The following SNX25 variants were observed in gnomAD, a reference collection of about 807,000 sequenced individuals.
SNX25 encodes sorting nexin 25, also known as sorting nexin-25.
A neutral mutation model predicts 113.7 loss-of-function variants in SNX25; 62 were observed. The ratio of observed to expected loss-of-function variants is 0.55; its 90% CI spans 0.44 to 0.67. The LOEUF is 0.67. Ranked by LOEUF, SNX25 falls within the 30% of genes least tolerant of loss-of-function variation. The probability of loss-of-function intolerance (pLI) is 0.00; values close to 1 mark genes in which losing one functional copy is unlikely to be tolerated. For missense variants in SNX25, 1,014 were observed against 1,161.0 expected, an observed-to-expected ratio of 0.87 and a Z score of 1.84; for synonymous variants, 421 against 436.2, an observed-to-expected ratio of 0.97 and a Z score of 0.43.
intron 1 of SNX25, among the ~76,000 whole-genome samples, chr4:185,224,635 A>G (rs905569192): frequency 6.8e-6 from 1 of 146,924 alleles, no homozygotes; most frequent in Non-Finnish European, 1.5e-5. Flanking sequence ...ATATAAGTAT[A>G]TATAGATATA....
intron 7 of SNX25, 117 bp downstream of exon 7, chr4:185,310,933 A>G: frequency 2.1e-6 from 2 of 945,802 alleles, no homozygotes; most frequent in East Asian, 2.7e-5. Flanking sequence ...TGCCATAACT[A>G]CACACTGACA....
the SNX25 span, chr4:185,378,225 AAAT>A: frequency 6.2e-7 from 1 of 1,603,732 alleles, no homozygotes; most frequent in South Asian, 1.1e-5. Flanking sequence ...CAAGAAGAAA[AAAT>A]AAGTGGTAGA....
intron 6 of SNX25, among the ~76,000 whole-genome samples, chr4:185,301,802 G>T (rs1406312626): frequency 6.6e-6 from 1 of 152,042 alleles, no homozygotes; most frequent in Admixed American, 6.6e-5. Flanking sequence ...GCCCAGACTG[G>T]TCTCGAACTC....
intron 1 of SNX25, among the ~76,000 whole-genome samples, chr4:185,246,529 A>T (rs1429437438): frequency 6.6e-6 from 1 of 152,074 alleles, no homozygotes; most frequent in East Asian, 1.9e-4. Context: ...TCATTTGTTT[A>T]TCTTTTATGA....
Position 185,320,776 on chromosome 4 carries a change from A to G in SNX25, c.1388A>G (p.Glu463Gly). 1 of 1,601,656 alleles carries G rather than the reference A, an allele frequency of 6.2e-7. No homozygotes were observed. The highest frequency in any genetic ancestry group is 8.5e-7 in the Non-Finnish European group (1 of 1,174,794). The change falls in exon 8 of 19, where the codon GAG becomes GGG. Residue 463 changes from glutamate to glycine, a missense_variant. Glu to Gly is a moderately conservative substitution (Grantham distance 98). Transcript: ENST00000652585. ...ATCTTGGCCAATACGTTCTACCGAG[A>G]GCACTTTGGAATGTACATGGAAAGG... is the stretch of plus-strand genomic sequence containing the variant. ...EDILANTFYR[E>G]HFGMYMERMD...
chr4:185,226,855 G>T (rs3112909), intron 1 of SNX25, among the ~76,000 whole-genome samples: 1 of 152,098 alleles, frequency 6.6e-6, no homozygotes, highest in Non-Finnish European at 1.5e-5. Flanking sequence ...CCAATGTTTT[G>T]TAAACATGAC....
chr4:185,307,296 G>A (rs1468285866), intron 6 of SNX25, among the ~76,000 whole-genome samples: 6 of 152,212 alleles, frequency 3.9e-5, no homozygotes, highest in African/African-American at 1.2e-4. Context: ...GGAACCAAGA[G>A]ACAAAACACA....
intron 12 of SNX25, among the ~76,000 whole-genome samples, chr4:185,342,837 C>A (rs2095267003): frequency 6.6e-6 from 1 of 152,170 alleles, no homozygotes; most frequent in Non-Finnish European, 1.5e-5. Context: ...ACTCTCAGCT[C>A]TACTCTTCAT....
chr4:185,298,068 G>A (rs369275780), intron 6 of SNX25, among the ~76,000 whole-genome samples: 13 of 149,144 alleles, frequency 8.7e-5, no homozygotes, highest in Admixed American at 1.3e-4. Flanking sequence ...ACCACCAGTC[G>A]CCCTCTTAAC....
chr4:185,282,618 T>G (rs1177031536), intron 5 of SNX25, among the ~76,000 whole-genome samples: 3 of 152,232 alleles, frequency 2.0e-5, no homozygotes, highest in African/African-American at 7.2e-5. Flanking sequence ...GTGGCCACTC[T>G]GAGGAGCAGA....
intron 6 of SNX25, among the ~76,000 whole-genome samples, chr4:185,308,541 A>C (rs1275972342): frequency 6.6e-6 from 1 of 152,196 alleles, no homozygotes; most frequent in Non-Finnish European, 1.5e-5. Context: ...CCTCAGCCCC[A>C]AATTCTAGAA....
At chr4:185,224,669 A>C in intron 1 of SNX25, among the ~76,000 whole-genome samples, 1 of 147,876 alleles carries the variant, frequency 6.8e-6, no homozygotes, top group East Asian at 1.9e-4. Flanking sequence ...GTATATATAA[A>C]AATATATAAA....
At chr4:185,364,110 T>C (rs2095378287), downstream of SNX25, 1 of 152,378 alleles carries the variant, frequency 6.6e-6, no homozygotes, top group Non-Finnish European at 1.5e-5. Context: ...TTTGCTGCCT[T>C]CTCCAGAAAC....
At chr4:185,235,485 T>C (rs985924165) in intron 1 of SNX25, among the ~76,000 whole-genome samples, 9 of 152,182 alleles carry the variant, frequency 5.9e-5, no homozygotes, top group African/African-American at 2.2e-4. Flanking sequence ...GAAAAGGGAT[T>C]TTTCCAGTTC....
chr4:185,282,733 C>T (rs1720762177), intron 5 of SNX25, among the ~76,000 whole-genome samples: 1 of 152,188 alleles, frequency 6.6e-6, no homozygotes, highest in African/African-American at 2.4e-5. Context: ...TATGCCCCTC[C>T]TCCCTAATAC....
chr4:185,292,762 A>C (rs1752360106), intron 6 of SNX25, among the ~76,000 whole-genome samples: 1 of 152,096 alleles, frequency 6.6e-6, no homozygotes, highest in African/African-American at 2.4e-5. Flanking sequence ...TCTACAAAAA[A>C]ATTTTTAAAA....
At position 185,350,980 on chromosome 4, in the gene SNX25, C is replaced by CA. The variant is rs535672428; in HGVS notation, c.2302-462dup. Among the ~76,000 whole-genome samples the CA allele has an allele frequency of 4.1e-3, 629 of 152,322 alleles. 3 individuals carry two copies. Among genetic ancestry groups the CA allele is most frequent in the African/African-American group, 0.014 (595 of 41,590 alleles). ...CAGGTAGTGCCACCATGTGAAAACT[C>CA]AAAGTTCTTTTTTTCAGCTGATGTA... On this transcript the variant is annotated intron_variant, in intron 13 of 18. Transcript: ENST00000652585.
intron 1 of SNX25, among the ~76,000 whole-genome samples, chr4:185,218,274 G>C (rs1739208760): frequency 6.6e-6 from 1 of 152,194 alleles, no homozygotes; most frequent in Admixed American, 6.5e-5. Flanking sequence ...TAGTAGAGAC[G>C]GGGTTTTGCC....
chr4:185,360,974 G>A lies in SNX25; in HGVS notation c.2652-950G>A, dbSNP rs528602907. ...ATATAGAATCTGTCTAATGACTAAC[G>A]AAATGGGGTTGTGTAGAAGACCTGG... On this transcript the variant is annotated intron_variant, in intron 16 of 18. Transcript: ENST00000652585. Among the ~76,000 whole-genome samples the A allele has an allele frequency of 1.3e-4, 19 of 145,750 alleles. No homozygotes were observed. The East Asian group carries it at 3.0e-3, about 23-fold the overall frequency.
Sources: gnomAD v4.1 joint callset for allele counts (sites outside exome capture counted in the v4.1 genomes callset) on GRCh38, gnomAD v4.1.1 for gene constraint, MANE v1.5 for transcripts, NCBI Gene and HGNC (gene_info 2026-07-23, HGNC 2026-07-21) for gene names.